Variants in AHI1 observed in about 807,000 individuals in gnomAD.
AHI1 encodes the protein Abelson helper integration site 1.
AHI1 carries 123 observed loss-of-function variants against 149.3 expected under a neutral mutation model. The observed-to-expected ratio is 0.82, with a 90% CI of 0.71 to 0.96. The LOEUF (loss-of-function observed/expected upper bound fraction) is 0.96, where lower values mean the gene tolerates loss of function less well. Ranked by LOEUF, AHI1 falls within the 40% of genes least tolerant of loss-of-function variation. AHI1 has a pLI of 0.00. For synonymous variants in AHI1, 475 were observed against 459.8 expected, an observed-to-expected ratio of 1.03 and a Z score of -0.42; for missense variants, 1,439 against 1,422.7, an observed-to-expected ratio of 1.01 and a Z score of -0.18.
chr6:135,297,443 G>T (rs1325674463), intron 27 of AHI1: 1 of 456,094 alleles, frequency 2.2e-6, no homozygotes, highest in Admixed American at 2.3e-5. Flanking sequence ...TTTATCTAGA[G>T]GCCTTCTCTA....
chr6:135,289,178 T>C (rs1273745951), intron 28 of AHI1, among the ~76,000 whole-genome samples: 1 of 151,030 alleles, frequency 6.6e-6, no homozygotes, highest in Non-Finnish European at 1.5e-5. Context: ...AAAAAGCTCC[T>C]CTTAGAGCTT....
At chr6:135,487,250 A>T (rs376320162) in intron 5 of AHI1, among the ~76,000 whole-genome samples, 2 of 152,046 alleles carry the variant, frequency 1.3e-5, no homozygotes, top group Non-Finnish European at 2.9e-5. Flanking sequence ...TATTTTATAT[A>T]TATACTTGTT....
Position 135,457,517 on chromosome 6 carries a change from A to C in AHI1, c.1128T>G (p.Gly376=). 1 of 1,613,540 alleles carries C rather than the reference A, an allele frequency of 6.2e-7. No individual in the cohort carries two copies. Among genetic ancestry groups the C allele is most frequent in the Non-Finnish European group, 8.5e-7 (1 of 1,179,604 alleles). The change falls in exon 9 of 29, where the codon GGT becomes GGG. Residue 376 remains glycine, a synonymous_variant. Coordinates refer to ENST00000265602, the MANE Select transcript of AHI1 (RefSeq NM_001134831.2). ...ACCTATCATCTTTCTTGACATATTG[A>C]CCAGTATGCTCATCAACCACATGAA... is the stretch of plus-strand genomic sequence containing the variant. ...VKIHVVDEHT[G]QYVKKDDSGR...
chr6:135,431,153 T>A, intron 17 of AHI1, 55 bp downstream of exon 17: 1 of 1,194,722 alleles, frequency 8.4e-7, no homozygotes. Context: ...GTCATGTGAT[T>A]GGATTTTTCC....
At chr6:135,448,821 A>G (rs747401951) in intron 11 of AHI1, among the ~76,000 whole-genome samples, 1 of 152,218 alleles carries the variant, frequency 6.6e-6, no homozygotes, top group Non-Finnish European at 1.5e-5. Flanking sequence ...TAAAGACTAA[A>G]CTGTATATTT....
intron 16 of AHI1, 150 bp downstream of exon 16, chr6:135,432,877 G>A: frequency 3.4e-6 from 2 of 592,112 alleles, no homozygotes; most frequent in East Asian, 5.6e-5. Flanking sequence ...AAGTCCCTTA[G>A]TGTCATATCT....
At chr6:135,286,918 G>A (rs1781756374) in intron 28 of AHI1, among the ~76,000 whole-genome samples, 1 of 152,088 alleles carries the variant, frequency 6.6e-6, no homozygotes, top group African/African-American at 2.4e-5. Flanking sequence ...TACAGAAAAA[G>A]TACGTAAAAC....
At chr6:135,474,200 T>C (rs1176150813) in intron 5 of AHI1, among the ~76,000 whole-genome samples, 2 of 152,226 alleles carry the variant, frequency 1.3e-5, no homozygotes, top group African/African-American at 4.8e-5. Context: ...AATCCCATCA[T>C]AAGAACCACC....
chr6:135,339,351 T>C (rs111601642), intron 24 of AHI1, among the ~76,000 whole-genome samples: 2,614 of 152,308 alleles, frequency 0.017, 34 homozygotes, highest in African/African-American at 0.033. Context: ...GAATTGCTTC[T>C]GAGAAAGCCC....
chr6:135,444,574 G>A (rs182289331), intron 13 of AHI1, among the ~76,000 whole-genome samples: 2 of 152,246 alleles, frequency 1.3e-5, no homozygotes, highest in Admixed American at 1.3e-4. Flanking sequence ...CTCCACTGTT[G>A]AATGAGCCCT....
intron 24 of AHI1, among the ~76,000 whole-genome samples, chr6:135,332,232 G>C (rs1788712648): frequency 6.6e-6 from 1 of 152,128 alleles, no homozygotes; most frequent in Non-Finnish European, 1.5e-5. Context: ...ACTATGCCCA[G>C]CTAATTTTTG....
chr6:135,382,442 G>C (rs1425241716), intron 23 of AHI1, among the ~76,000 whole-genome samples: 2 of 152,106 alleles, frequency 1.3e-5, no homozygotes, highest in African/African-American at 4.8e-5. Context: ...TCCATTGTTA[G>C]TTAACATCTT....
chr6:135,430,078 T>A, intron 17 of AHI1, 78 bp from the exon 18 acceptor site: 1 of 742,096 alleles, frequency 1.3e-6, no homozygotes, highest in Non-Finnish European at 2.2e-6. Flanking sequence ...AAATTAATCT[T>A]AAAATATCAT....
At position 135,283,771 on chromosome 6, in the gene AHI1, A is replaced by C. The variant is rs761221813; in HGVS notation, c.*1874T>G. The C allele has an allele frequency of 4.6e-5, 7 of 152,136 alleles. No homozygotes were observed. Among genetic ancestry groups the C allele is most frequent in the South Asian group, 2.1e-4 (1 of 4,826 alleles). The allele number at this position is 152,136 out of a possible 1,614,324, so 9.4% of individuals were successfully genotyped here. A position where few individuals can be genotyped will look rare whatever the true frequency, so the allele number is the denominator to read the frequency against. On this transcript the variant is annotated 3_prime_UTR_variant, in exon 29 of 29. Transcript: ENST00000265602. The stretch of plus-strand genomic sequence containing the variant: ...AAGGACTGGGCTTTCAGTAGAGCCA[A>C]ATTTTCCTGGTGTTTGCTTCAACTG...
intron 25 of AHI1, among the ~76,000 whole-genome samples, 169 bp from the exon 26 acceptor site, chr6:135,318,785 T>C (rs1786373295): frequency 6.6e-6 from 1 of 152,262 alleles, no homozygotes; most frequent in Non-Finnish European, 1.5e-5. Flanking sequence ...GCAATTTTAC[T>C]CATTAGTTAT....
intron 11 of AHI1, among the ~76,000 whole-genome samples, chr6:135,452,917 T>A (rs1347142449): frequency 1.3e-5 from 2 of 152,158 alleles, no homozygotes; most frequent in Non-Finnish European, 2.9e-5. Flanking sequence ...TATACCTCTT[T>A]ACGATATTTA....
At chr6:135,385,043 C>T (rs1777383488) in intron 23 of AHI1, among the ~76,000 whole-genome samples, 2 of 152,166 alleles carry the variant, frequency 1.3e-5, no homozygotes, top group East Asian at 1.9e-4. Flanking sequence ...GATCCGAGAT[C>T]GCGCCACTGC....
At chr6:135,411,027 T>C (rs1356394602) in intron 21 of AHI1, among the ~76,000 whole-genome samples, 3 of 152,132 alleles carry the variant, frequency 2.0e-5, no homozygotes, top group African/African-American at 4.8e-5. Context: ...ACAGCTTCTC[T>C]TTCTTTCCTA....
chr6:135,391,700 CTCTCT>C (rs1325615133), intron 23 of AHI1, among the ~76,000 whole-genome samples: 2 of 152,128 alleles, frequency 1.3e-5, no homozygotes, highest in African/African-American at 2.4e-5. Flanking sequence ...CCATACCAAG[CTCTCT>C]TCTAAGTATT....
Sources: gnomAD v4.1 joint callset for allele counts (sites outside exome capture counted in the v4.1 genomes callset) on GRCh38, gnomAD v4.1.1 for gene constraint, MANE v1.5 for transcripts, NCBI Gene and HGNC (gene_info 2026-07-23, HGNC 2026-07-21) for gene names.